Variants in ABCC1 observed in about 807,000 individuals in gnomAD.
ABCC1 encodes multidrug resistance-associated protein 1.
A neutral mutation model predicts 172.9 loss-of-function variants in ABCC1; 83 were observed. That is an observed-to-expected ratio of 0.48 (90% CI 0.40 to 0.58). The LOEUF is 0.58. Among genes scored for constraint, ABCC1 ranks in the 20% least tolerant of loss-of-function variants. The pLI is 0.00. For missense variants in ABCC1, 1,817 were observed against 2,002.7 expected (o/e 0.91, Z 1.77); for synonymous variants, 937 against 825.2 (o/e 1.14, Z -2.32).
At chr16:16,007,793 C>G (rs2047601342) in intron 1 of ABCC1, 23 bp from the exon 2 acceptor site, 2 of 1,597,680 alleles carry the variant, frequency 1.3e-6, no homozygotes, top group South Asian at 1.1e-5. Context: ...CTGCTGACCC[C>G]TCGCCTGTGT....
Position 16,043,227 on chromosome 16 carries a change from T to TTTTTTTG in ABCC1, c.810-1217_810-1216insGTTTTTT, listed in dbSNP as rs1250956837. Among the ~76,000 whole-genome samples the TTTTTTTG allele has an allele frequency of 4.5e-5, 5 of 111,298 alleles. 1 individual carries two copies. Among genetic ancestry groups the TTTTTTTG allele is most frequent in the African/African-American group, 1.4e-4 (5 of 34,712 alleles). The allele number at this position is 111,298 out of a possible 152,430, so 73.0% of individuals were successfully genotyped here. On this transcript the variant is annotated intron_variant, in intron 7 of 30. Coordinates refer to ENST00000399410, the MANE Select transcript of ABCC1 (RefSeq NM_004996.4). Reference sequence around the variant, plus strand: ...TTGCTCTGGCTGGCTGGACTGTTTTTTTTTTTTTTTTTTTTTCCACTGATG... The same window carrying TTTTTTTG: ...TTGCTCTGGCTGGCTGGACTGTTTTTTTTTTTGTTTTTTTTTTTTTTTTCCACTGATG...
At chr16:16,036,196 C>CT (rs1231740042) in intron 6 of ABCC1, among the ~76,000 whole-genome samples, 2 of 151,694 alleles carry the variant, frequency 1.3e-5, no homozygotes, top group Non-Finnish European at 2.9e-5. Context: ...CCTAAATCAT[C>CT]TTTTTTTCCC....
chr16:15,984,448 C>CGTTTTTTTT lies in ABCC1; in HGVS notation c.49-23368_49-23367insGTTTTTTTT, dbSNP rs61396501. Among the ~76,000 whole-genome samples the CGTTTTTTTT allele has an allele frequency of 1.4e-5, 2 of 146,948 alleles. 1 individual carries two copies. The highest frequency in any genetic ancestry group is 3.0e-5 in the Non-Finnish European group (2 of 66,860). ...TTTTTATTGTTTACCTTGATATATA[C>CGTTTTTTTT]TTTTTTTTTTTTTGAGATAGAGTCT... On this transcript the variant is annotated intron_variant, in intron 1 of 30. Coordinates refer to ENST00000399410, the MANE Select transcript of ABCC1 (RefSeq NM_004996.4).
At position 16,026,074 on chromosome 16, in the gene ABCC1, A is replaced by G. The variant is rs891775871; in HGVS notation, c.616-7035A>G. 3.9e-5 allele frequency among the ~76,000 whole-genome samples: 6 copies of G among 151,994 alleles called. No homozygotes were observed. In the East Asian group the frequency reaches 7.7e-4, roughly 20 times the overall value. Reference sequence around the variant, plus strand: ...TTTTTTTCCTCCTTTTTTATTGTCAATCCTTGACCTACTTCAGAAGTTAGT... The same window carrying G: ...TTTTTTTCCTCCTTTTTTATTGTCAGTCCTTGACCTACTTCAGAAGTTAGT... On this transcript the variant is annotated intron_variant, in intron 5 of 30. Transcript: ENST00000399410.
At position 15,982,803 on chromosome 16, in the gene ABCC1, C is replaced by CAAAA. The variant is rs148834444; in HGVS notation, c.49-24995_49-24992dup. 7.7e-3 allele frequency among the ~76,000 whole-genome samples: 334 copies of CAAAA among 43,188 alleles called. 20 individuals are homozygous for CAAAA. Among genetic ancestry groups the CAAAA allele is most frequent in the African/African-American group, 0.022 (267 of 11,936 alleles). The allele number at this position is 43,188 out of a possible 152,430, so 28.3% of individuals were successfully genotyped here. Reference sequence around the variant, plus strand: ...TCTGGGCAACAGAGTGAGACGCTGTCAAAAAAAAAAAAAAAAAAAAAGGAA... The same window carrying CAAAA: ...TCTGGGCAACAGAGTGAGACGCTGTCAAAAAAAAAAAAAAAAAAAAAAAAAGGAA... On this transcript the variant is annotated intron_variant, in intron 1 of 30. Transcript: ENST00000399410.
At chr16:16,023,652 G>A (rs1404339418) in intron 5 of ABCC1, among the ~76,000 whole-genome samples, 3 of 152,194 alleles carry the variant, frequency 2.0e-5, no homozygotes, top group Non-Finnish European at 4.4e-5. Context: ...GTGGCAGGCA[G>A]TTGAACCAAC....
intron 1 of ABCC1, among the ~76,000 whole-genome samples, chr16:15,963,162 C>T (rs1019645971): frequency 6.6e-6 from 1 of 152,362 alleles, no homozygotes; most frequent in South Asian, 2.1e-4. Flanking sequence ...ATAAAACTTT[C>T]AAGTTCCATA....
At chr16:15,949,896 C>A (rs2045825737) in intron 1 of ABCC1, 97 bp downstream of exon 1, 2 of 1,058,620 alleles carry the variant, frequency 1.9e-6, no homozygotes, top group South Asian at 4.6e-5. Context: ...CCCCGCTCCC[C>A]GCTCTGCTGC....
chr16:15,951,718 C>A (rs1272730025), intron 1 of ABCC1, among the ~76,000 whole-genome samples: 1 of 151,498 alleles, frequency 6.6e-6, no homozygotes, highest in African/African-American at 2.4e-5. Context: ...GAGACAGAGT[C>A]TTGCTCTGTC....
In ABCC1 at chr16:15,949,723, C is replaced by T. The variant is rs1409479421; in HGVS notation, c.-29C>T. 2 of 1,137,844 alleles carry T rather than the reference C, an allele frequency of 1.8e-6. No homozygotes were observed. The highest frequency in any genetic ancestry group is 1.1e-6 in the Non-Finnish European group (1 of 926,928). The allele number at this position is 1,137,844 out of a possible 1,614,324, so 70.5% of individuals were successfully genotyped here. A position where few individuals can be genotyped will look rare whatever the true frequency, so the allele number is the denominator to read the frequency against. ...CAACCGGGCCCGATCACCCGCCGCC[C>T]GGTGCCCGCCGCCGCCCGCGCCACC... On this transcript the variant is annotated 5_prime_UTR_variant, in exon 1 of 31. Coordinates refer to ENST00000399410, the MANE Select transcript of ABCC1 (RefSeq NM_004996.4).
chr16:16,071,653 C>T lies in ABCC1; in HGVS notation c.1836C>T (p.Ser612=). ...VISSIVQASV[S]LKRLRIFLSH... ...TGCTCTCTGTACAGGCGAGTGTCTC[C>T]CTCAAACGCCTGAGGATCTTTCTCT... is the stretch of plus-strand genomic sequence containing the variant. Residue 612 remains serine (S), a synonymous_variant, in exon 14 of 31, where the codon TCC becomes TCT. Transcript: ENST00000399410. 4 of 1,613,956 alleles carry T rather than the reference C, an allele frequency of 2.5e-6. No individual in the cohort carries two copies. The highest frequency in any genetic ancestry group is 3.4e-6 in the Non-Finnish European group (4 of 1,179,940).
chr16:16,055,053 G>T (rs2049591228), intron 11 of ABCC1, among the ~76,000 whole-genome samples: 1 of 152,070 alleles, frequency 6.6e-6, no homozygotes, highest in Non-Finnish European at 1.5e-5. Flanking sequence ...AACATAGCAA[G>T]GTGCCATCTC....
At chr16:16,077,581 T>C (rs548373775) in intron 15 of ABCC1, among the ~76,000 whole-genome samples, 3 of 151,402 alleles carry the variant, frequency 2.0e-5, no homozygotes, top group Non-Finnish European at 4.4e-5. Context: ...GTGGCAGGTA[T>C]TGTCTCACTG....
intron 1 of ABCC1, among the ~76,000 whole-genome samples, chr16:15,974,011 A>G (rs1258160938): frequency 6.6e-6 from 1 of 152,138 alleles, no homozygotes; most frequent in Non-Finnish European, 1.5e-5. Context: ...ATATGAATTC[A>G]AGATATGTCC....
At chr16:16,111,334 G>A (rs1372087562) in intron 21 of ABCC1, 41 bp from the exon 22 acceptor site, 5 of 1,198,784 alleles carry the variant, frequency 4.2e-6, no homozygotes, top group African/African-American at 1.7e-5. Flanking sequence ...GGGGCTGGGT[G>A]CGTGCATGTG....
At chr16:16,103,693 C>G (rs2051893757) in intron 20 of ABCC1, among the ~76,000 whole-genome samples, 1 of 152,156 alleles carries the variant, frequency 6.6e-6, no homozygotes, top group South Asian at 2.1e-4. Context: ...GAGAAAGGAT[C>G]CCGGACCTGC....
rs186480311 is a variant in ABCC1, at chr16:16,079,222, T to C, written c.1989-130T>C. The C allele has an allele frequency of 4.2e-5, 56 of 1,348,342 alleles. No homozygotes were observed. In the East Asian group the frequency reaches 9.8e-4, roughly 24 times the overall value. 83.5% of individuals were successfully genotyped at this position (1,348,342 alleles called of 1,614,324 possible). A position where few individuals can be genotyped will look rare whatever the true frequency, so the allele number is the denominator to read the frequency against. ...ATGGAAGGAATGTTGAGGCCTTCAG[T>C]GTTTAGTACAGTCTTGCCTTCTGTC... On this transcript the variant is annotated intron_variant, in intron 15 of 30. Transcript: ENST00000399410.
At chr16:15,951,350 A>G (rs111936744) in intron 1 of ABCC1, among the ~76,000 whole-genome samples, 2 of 152,168 alleles carry the variant, frequency 1.3e-5, no homozygotes, top group African/African-American at 2.4e-5. Flanking sequence ...CGCTTTGTTT[A>G]TCTTAAGAAA....
At position 16,142,602 on chromosome 16, in the gene ABCC1, A is replaced by T. The variant is rs1329510772; in HGVS notation, c.*1321A>T. Reference sequence around the variant, plus strand: ...AAGAACCCATCTTTGAATATCAATGATTTTTTTTTTTTAAGTACTGTTCCG... The same window carrying T: ...AAGAACCCATCTTTGAATATCAATGTTTTTTTTTTTTTAAGTACTGTTCCG... On this transcript the variant is annotated 3_prime_UTR_variant, in exon 31 of 31. Coordinates refer to ENST00000399410, the MANE Select transcript of ABCC1 (RefSeq NM_004996.4). 1 of 149,356 alleles carries T rather than the reference A, an allele frequency of 6.7e-6. No homozygotes were observed. The highest frequency in any genetic ancestry group is 2.5e-5 in the African/African-American group (1 of 40,750). The allele number at this position is 149,356 out of a possible 1,614,324, so 9.3% of individuals were successfully genotyped here.
Sources: gnomAD v4.1 joint callset for allele counts (sites outside exome capture counted in the v4.1 genomes callset) on GRCh38, gnomAD v4.1.1 for gene constraint, MANE v1.5 for transcripts, NCBI Gene and HGNC (gene_info 2026-07-23, HGNC 2026-07-21) for gene names.